Variants in PIGL observed in about 807,000 individuals in gnomAD.
The protein encoded by PIGL is N-acetylglucosaminyl-phosphatidylinositol de-N-acetylase.
PIGL carries 22 observed loss-of-function variants against 31.1 expected under a neutral mutation model. That is an observed-to-expected ratio of 0.71 (90% CI 0.51 to 1.01). The LOEUF is 1.01. Ranked by LOEUF, PIGL falls within the 50% of genes least tolerant of loss-of-function variation. The pLI, the probability that PIGL is intolerant of heterozygous loss-of-function variation, is 0.00. For missense variants in PIGL, 302 were observed against 315.9 expected (o/e 0.96, Z 0.33); for synonymous variants, 131 against 117.4 (o/e 1.12, Z -0.75).
intron 2 of PIGL, among the ~76,000 whole-genome samples, chr17:16,266,845 C>T (rs1046806508): frequency 1.3e-5 from 2 of 150,188 alleles, no homozygotes; most frequent in African/African-American, 4.9e-5. Context: ...GATTTGCCTG[C>T]CTCAGCCTCC....
chr17:16,233,077 G>A (rs565808943), intron 1 of PIGL, among the ~76,000 whole-genome samples: 1 of 151,154 alleles, frequency 6.6e-6, no homozygotes, highest in African/African-American at 2.4e-5. Context: ...TCGCGCTGCT[G>A]TACTCCAGCC....
At chr17:16,293,862 G>A (rs753943106) in intron 2 of PIGL, among the ~76,000 whole-genome samples, 14 of 152,210 alleles carry the variant, frequency 9.2e-5, no homozygotes, top group Admixed American at 2.6e-4. Context: ...AATCAGGTAC[G>A]AAGTGGGGTA....
chr17:16,295,419 GTA>G (rs1230214606), intron 2 of PIGL, among the ~76,000 whole-genome samples: 5 of 145,124 alleles, frequency 3.4e-5, no homozygotes, highest in Non-Finnish European at 6.0e-5. Flanking sequence ...AAAAAAAAAA[GTA>G]TATATATATA....
At chr17:16,288,850 A>G (rs1241140069) in intron 2 of PIGL, among the ~76,000 whole-genome samples, 2 of 152,208 alleles carry the variant, frequency 1.3e-5, no homozygotes, top group Admixed American at 1.3e-4. Context: ...AAAATTCTTT[A>G]ATAGGTCTCT....
chr17:16,246,539 C>G (rs1267685642), intron 2 of PIGL, among the ~76,000 whole-genome samples: 1 of 151,686 alleles, frequency 6.6e-6, no homozygotes, highest in Admixed American at 6.6e-5. Flanking sequence ...CTTAAAGAAG[C>G]CAGTTTGAAG....
chr17:16,274,760 T>C (rs2092887199), intron 2 of PIGL, among the ~76,000 whole-genome samples: 1 of 142,596 alleles, frequency 7.0e-6, no homozygotes, highest in African/African-American at 2.6e-5. Context: ...GGCCGGGCAC[T>C]ATGGCTCACT....
At chr17:16,316,572 C>A in intron 4 of PIGL, 109 bp from the exon 5 acceptor site, 1 of 1,078,830 alleles carries the variant, frequency 9.3e-7, no homozygotes, top group South Asian at 1.8e-5. Context: ...CCTGGAGACT[C>A]ACATGGAGGG....
chr17:16,297,015 G>A (rs891107224), intron 2 of PIGL, among the ~76,000 whole-genome samples: 4 of 152,048 alleles, frequency 2.6e-5, no homozygotes, highest in South Asian at 2.1e-4. Context: ...CCACCGTTCC[G>A]GCCCTTTTTA....
In PIGL at chr17:16,258,102, AAAGAG is replaced by A. The variant is rs2092803284; in HGVS notation, c.335+24034_335+24038del. Among the ~76,000 whole-genome samples the A allele has an allele frequency of 8.1e-5, 9 of 110,770 alleles. No individual in the cohort carries two copies. The East Asian group carries it at 8.2e-4, about 10-fold the overall frequency. The allele number at this position is 110,770 out of a possible 152,430, so 72.7% of individuals were successfully genotyped here. A position where few individuals can be genotyped will look rare whatever the true frequency, so the allele number is the denominator to read the frequency against. On this transcript the variant is annotated intron_variant, in intron 2 of 6. Transcript: ENST00000225609. ...GAGAGAGAGAGAGAGAGAGAGAGAG[AAAGAG>A]AGAGAGAGAGAGAGAGAAAGAGAGA... is the stretch of plus-strand genomic sequence containing the variant.
chr17:16,264,493 A>C (rs999148436), intron 2 of PIGL, among the ~76,000 whole-genome samples: 1 of 152,102 alleles, frequency 6.6e-6, no homozygotes, highest in Non-Finnish European at 1.5e-5. Context: ...TGCTCTAGAA[A>C]ATAACTGCCT....
intron 1 of PIGL, among the ~76,000 whole-genome samples, chr17:16,219,060 TA>T (rs2092613138): frequency 7.2e-6 from 1 of 139,148 alleles, no homozygotes; most frequent in African/African-American, 2.7e-5. Context: ...TGACATTTTT[TA>T]TAAATTTTTT....
At chr17:16,278,011 C>A (rs1318134307) in intron 2 of PIGL, among the ~76,000 whole-genome samples, 1 of 152,036 alleles carries the variant, frequency 6.6e-6, no homozygotes, top group Non-Finnish European at 1.5e-5. Flanking sequence ...ACCAAACAAG[C>A]CAAACTTCAC....
At chr17:16,296,922 G>A (rs1207078338) in intron 2 of PIGL, among the ~76,000 whole-genome samples, 15 of 151,672 alleles carry the variant, frequency 9.9e-5, no homozygotes, top group African/African-American at 2.9e-4. Flanking sequence ...GGGTTTCACC[G>A]TGTTAGCCAG....
chr17:16,217,242 C>T lies in PIGL; in HGVS notation c.16C>T (p.Leu6Phe), dbSNP rs1444511873. 1.2e-6 allele frequency: 2 copies of T among 1,614,108 alleles called. No homozygotes were observed. Among genetic ancestry groups the T allele is most frequent in the African/African-American group, 1.3e-5 (1 of 75,060 alleles). MEAMW[L>F]LCVALAVLAW... is the part of the protein sequence containing the mutation. ...CTTACCCATCATGGAAGCAATGTGG[C>T]TCCTGTGTGTGGCGTTGGCGGTCTT... Residue 6 changes from leucine (L) to phenylalanine (F), a missense_variant, in exon 1 of 7, where the codon CTC (leucine) becomes TTC (phenylalanine). By Grantham distance (22) the Leu-to-Phe change is conservative. Transcript: ENST00000225609.
intron 2 of PIGL, among the ~76,000 whole-genome samples, chr17:16,279,973 T>C (rs1482553931): frequency 6.6e-6 from 1 of 152,198 alleles, no homozygotes; most frequent in African/African-American, 2.4e-5. Context: ...AATGTCATCT[T>C]GCCAGACCCT....
At chr17:16,262,017 G>A (rs1237483403) in intron 2 of PIGL, among the ~76,000 whole-genome samples, 8 of 152,004 alleles carry the variant, frequency 5.3e-5, no homozygotes, top group Admixed American at 5.2e-4. Context: ...GAAGCCAGGA[G>A]TTCAAGACCA....
chr17:16,298,026 G>A (rs1211265663), intron 2 of PIGL, among the ~76,000 whole-genome samples: 1 of 152,118 alleles, frequency 6.6e-6, no homozygotes, highest in African/African-American at 2.4e-5. Context: ...GCGTGCGAGG[G>A]ATCTAGGTTG....
At chr17:16,235,972 C>T (rs1600756358) in intron 2 of PIGL, among the ~76,000 whole-genome samples, 1 of 152,156 alleles carries the variant, frequency 6.6e-6, no homozygotes, top group East Asian at 1.9e-4. Context: ...GTTCTCATGC[C>T]TATTGCCTGA....
chr17:16,267,281 T>C (rs1400010874), intron 2 of PIGL, among the ~76,000 whole-genome samples: 1 of 152,134 alleles, frequency 6.6e-6, no homozygotes, highest in Non-Finnish European at 1.5e-5. Context: ...TGGATCATCA[T>C]GAAGGTCTTC....
Sources: allele counts gnomAD v4.1 joint callset (sites outside exome capture counted in the v4.1 genomes callset), GRCh38; gene constraint gnomAD v4.1.1; transcripts MANE v1.5; gene names NCBI Gene and HGNC (gene_info 2026-07-23, HGNC 2026-07-21).